DOCK9: variants seen among roughly 807,000 people sequenced by gnomAD.
DOCK9 encodes dedicator of cytokinesis 9.
Under a neutral mutation model 263.3 loss-of-function variants are expected in DOCK9, and 89 were observed. The observed-to-expected ratio is 0.34, with a 90% CI of 0.28 to 0.40. DOCK9 has a LOEUF of 0.40. Ranked by LOEUF, DOCK9 falls within the 10% of genes least tolerant of loss-of-function variation. The pLI is 1.00. For missense variants in DOCK9, 2,140 were observed against 2,603.4 expected (o/e 0.82, Z 3.87); for synonymous variants, 976 against 973.1 (o/e 1.00, Z -0.06).
Position 98,894,957 on chromosome 13 carries a change from CAAAAAAAAAAAAAA to C in DOCK9, c.1709+2517_1709+2530del, listed in dbSNP as rs71114557. Among the ~76,000 whole-genome samples, 587 of 73,400 alleles carry C rather than the reference CAAAAAAAAAAAAAA, an allele frequency of 8.0e-3. 5 individuals are homozygous for C. Among genetic ancestry groups the C allele is most frequent in the Non-Finnish European group, 0.01 (407 of 40,414 alleles). 48.2% of individuals were successfully genotyped at this position (73,400 alleles called of 152,430 possible). Reference sequence around the variant, plus strand: ...GATATTTAGTATCTCTACTAAAATACAAAAAAAAAAAAAAAAAAAAAAAAAAATTAGCGGGGCGT... The same window carrying C: ...GATATTTAGTATCTCTACTAAAATACAAAAAAAAAAAAATTAGCGGGGCGT... On this transcript the variant is annotated intron_variant, in intron 15 of 52. Coordinates refer to ENST00000682017, the MANE Select transcript of DOCK9 (RefSeq NM_001366683.2).
At chr13:98,904,542 A>C in intron 10 of DOCK9, 90 bp downstream of exon 10, 2 of 1,049,156 alleles carry the variant, frequency 1.9e-6, no homozygotes, top group Non-Finnish European at 1.4e-6. Context: ...TTTCCAAAAT[A>C]AACAAAGCAA....
intron 1 of DOCK9, among the ~76,000 whole-genome samples, chr13:98,994,229 T>C (rs1199491762): frequency 6.6e-6 from 1 of 152,254 alleles, no homozygotes; most frequent in African/African-American, 2.4e-5. Context: ...TTCTGCCCAC[T>C]TGGGCTTGTT....
intron 1 of DOCK9, among the ~76,000 whole-genome samples, chr13:99,018,804 A>G (rs1885730392): frequency 6.6e-6 from 1 of 152,194 alleles, no homozygotes; most frequent in African/African-American, 2.4e-5. Flanking sequence ...GCCACCTAAA[A>G]GAGTATATAT....
chr13:98,887,643 GATA>G (rs1273587781), intron 18 of DOCK9, among the ~76,000 whole-genome samples: 1 of 79,916 alleles, frequency 1.3e-5, no homozygotes, highest in Admixed American at 1.3e-4. Context: ...AAAAAAAAAG[GATA>G]ATAATAATAC....
intron 43 of DOCK9, among the ~76,000 whole-genome samples, chr13:98,827,505 G>A (rs1445531659): frequency 6.6e-6 from 1 of 152,248 alleles, no homozygotes; most frequent in Non-Finnish European, 1.5e-5. Flanking sequence ...TCTAATGCAT[G>A]CGGTTCTGTG....
At chr13:98,974,371 A>G (rs1468243641) in intron 1 of DOCK9, among the ~76,000 whole-genome samples, 1 of 152,104 alleles carries the variant, frequency 6.6e-6, no homozygotes, top group Non-Finnish European at 1.5e-5. Context: ...AATGCAGGGG[A>G]CAAGACCCAC....
Position 98,797,492 on chromosome 13 carries a change from A to G in DOCK9, c.5917-3T>C. The G allele has an allele frequency of 6.2e-7, 1 of 1,606,360 alleles. No individual in the cohort carries two copies. The highest frequency in any genetic ancestry group is 1.1e-5 in the South Asian group (1 of 89,528). On this transcript the variant is annotated splice_polypyrimidine_tract_variant and splice_region_variant and intron_variant, in intron 50 of 52. Transcript: ENST00000682017. ...TATGCTAGTGGGCCAGCATTGACCTAGACAAAGAGCAAAGATTTTCAGTTC... is the reference window on the plus strand; with the variant it reads ...TATGCTAGTGGGCCAGCATTGACCTGGACAAAGAGCAAAGATTTTCAGTTC...
At chr13:98,955,296 G>C in intron 2 of DOCK9, 139 bp downstream of exon 2, 1 of 512,120 alleles carries the variant, frequency 2.0e-6, no homozygotes, top group Non-Finnish European at 3.1e-6. Context: ...TCAAGCCTGC[G>C]TGACAGAGCA....
At chr13:98,875,846 C>T (rs1300276982) in intron 27 of DOCK9, among the ~76,000 whole-genome samples, 3 of 152,132 alleles carry the variant, frequency 2.0e-5, no homozygotes, top group Non-Finnish European at 4.4e-5. Flanking sequence ...GATGCTAGTT[C>T]GAAGGGGTTC....
intron 36 of DOCK9, among the ~76,000 whole-genome samples, chr13:98,849,778 T>C (rs2093507303): frequency 6.6e-6 from 1 of 152,226 alleles, no homozygotes; most frequent in Admixed American, 6.5e-5. Context: ...ATAAATTTCA[T>C]GTTATTTTAT....
chr13:99,012,770 A>G (rs923237087), intron 1 of DOCK9, among the ~76,000 whole-genome samples: 22 of 152,082 alleles, frequency 1.4e-4, no homozygotes, highest in African/African-American at 5.3e-4. Flanking sequence ...GAACCACACA[A>G]CTTCTTGGTG....
At chr13:98,897,112 C>A (rs1182688407) in intron 15 of DOCK9, among the ~76,000 whole-genome samples, 2 of 151,670 alleles carry the variant, frequency 1.3e-5, no homozygotes, top group Non-Finnish European at 2.9e-5. Flanking sequence ...CAAGCCAAGA[C>A]CCAGTCATCG....
chr13:98,838,535 C>T (rs573932283), intron 38 of DOCK9, among the ~76,000 whole-genome samples: 1 of 152,324 alleles, frequency 6.6e-6, no homozygotes, highest in African/African-American at 2.4e-5. Context: ...CTTGAAGAAT[C>T]TGTCATTTAA....
intron 2 of DOCK9, among the ~76,000 whole-genome samples, chr13:98,945,623 TCTG>T (rs1353032895): frequency 6.6e-6 from 1 of 152,224 alleles, no homozygotes; most frequent in East Asian, 1.9e-4. Context: ...CCATCCATCC[TCTG>T]CTTTCTCTTC....
At chr13:99,081,618 A>G (rs1349850395) in intron 1 of DOCK9, among the ~76,000 whole-genome samples, 2 of 152,230 alleles carry the variant, frequency 1.3e-5, no homozygotes, top group Admixed American at 1.3e-4. Flanking sequence ...TCTTTCAGAG[A>G]AAGGACACTT....
At chr13:98,967,543 C>T (rs9517515) in intron 1 of DOCK9, among the ~76,000 whole-genome samples, 23,324 of 152,206 alleles carry the variant, frequency 0.15, 2,558 homozygotes, top group East Asian at 0.46. Context: ...CACACATGAA[C>T]AGTACGCATG....
At chr13:98,807,325 C>A (rs1336714324) in intron 48 of DOCK9, among the ~76,000 whole-genome samples, 3 of 152,216 alleles carry the variant, frequency 2.0e-5, no homozygotes, top group Non-Finnish European at 4.4e-5. Flanking sequence ...AGTGGCAAGT[C>A]ATGTGCTACA....
intron 1 of DOCK9, among the ~76,000 whole-genome samples, chr13:99,013,767 G>A (rs146987029): frequency 7.9e-5 from 12 of 152,282 alleles, no homozygotes; most frequent in Admixed American, 2.6e-4. Flanking sequence ...TGCTGGAGAC[G>A]GGGCTGGAGG....
At chr13:99,076,000 C>T (rs748618119) in intron 1 of DOCK9, among the ~76,000 whole-genome samples, 72 of 152,190 alleles carry the variant, frequency 4.7e-4, no homozygotes, top group Non-Finnish European at 8.7e-4. Context: ...TATCTTTATC[C>T]CTGTCAACCT....
Sources: gnomAD v4.1 joint callset for allele counts (sites outside exome capture counted in the v4.1 genomes callset) on GRCh38, gnomAD v4.1.1 for gene constraint, MANE v1.5 for transcripts, NCBI Gene and HGNC (gene_info 2026-07-23, HGNC 2026-07-21) for gene names.